Variants in PEX5L observed in about 807,000 individuals in gnomAD.
PEX5L encodes the protein peroxisomal biogenesis factor 5 like.
Under a neutral mutation model 84.0 loss-of-function variants are expected in PEX5L, and 30 were observed. That is an observed-to-expected ratio of 0.36 (90% confidence interval 0.27 to 0.48). PEX5L has a LOEUF of 0.48. Ranked by LOEUF, PEX5L falls within the 20% of genes least tolerant of loss-of-function variation. PEX5L has a pLI of 0.99. For missense variants in PEX5L, 533 were observed against 754.6 expected (o/e 0.71, Z 3.44); for synonymous variants, 270 against 283.1 (o/e 0.95, Z 0.46).
intron 2 of PEX5L, among the ~76,000 whole-genome samples, chr3:179,965,818 A>G (rs1274448454): frequency 6.6e-6 from 1 of 152,138 alleles, no homozygotes; most frequent in African/African-American, 2.4e-5. Context: ...ATTATCAGTA[A>G]CTCAGAATTA....
intron 8 of PEX5L, among the ~76,000 whole-genome samples, chr3:179,841,311 G>C (rs74518468): frequency 6.6e-6 from 1 of 152,004 alleles, no homozygotes; most frequent in African/African-American, 2.4e-5. Flanking sequence ...TGCTTCGAAG[G>C]CCTTCTCTTT....
chr3:179,888,908 G>A (rs772212064), intron 3 of PEX5L, among the ~76,000 whole-genome samples: 2 of 151,732 alleles, frequency 1.3e-5, no homozygotes, highest in Non-Finnish European at 2.9e-5. Flanking sequence ...GTGACTACAG[G>A]TGTGCACCAC....
intron 3 of PEX5L, among the ~76,000 whole-genome samples, chr3:179,893,850 T>C (rs1758355308): frequency 6.6e-6 from 1 of 152,160 alleles, no homozygotes; most frequent in Non-Finnish European, 1.5e-5. Flanking sequence ...ATTTAAATAA[T>C]AGAAAAATTT....
intron 1 of PEX5L, among the ~76,000 whole-genome samples, chr3:179,998,507 C>T (rs1313277524): frequency 6.6e-6 from 1 of 152,176 alleles, no homozygotes. Flanking sequence ...CAGAGGAGGC[C>T]TCTAGGATTT....
chr3:179,954,993 G>A lies in PEX5L; in HGVS notation c.93+16601C>T, dbSNP rs73883423. The stretch of plus-strand genomic sequence containing the variant: ...TCTCATCTACAGTGTCTATATTTGT[G>A]TTTTAAATGACCTCTGCACAAGCTG... On this transcript the variant is annotated intron_variant, in intron 2 of 14. Coordinates refer to ENST00000467460, the MANE Select transcript of PEX5L (RefSeq NM_016559.3). Among the ~76,000 whole-genome samples, 861 of 152,052 alleles carry A rather than the reference G, an allele frequency of 5.7e-3. 7 individuals are homozygous for A. Among genetic ancestry groups the A allele is most frequent in the African/African-American group, 0.02 (824 of 41,464 alleles).
intron 1 of PEX5L, among the ~76,000 whole-genome samples, chr3:180,019,709 C>T (rs1203042913): frequency 6.6e-6 from 1 of 152,148 alleles, no homozygotes; most frequent in Non-Finnish European, 1.5e-5. Context: ...AACAGAAATA[C>T]TTCCCACTGC....
intron 14 of PEX5L, among the ~76,000 whole-genome samples, chr3:179,802,576 T>G (rs1322372687): frequency 5.0e-5 from 7 of 140,096 alleles, no homozygotes; most frequent in African/African-American, 1.9e-4. Flanking sequence ...AAAAGAAAAT[T>G]TTATTTTAGG....
chr3:179,987,241 C>T (rs948148054), intron 1 of PEX5L, among the ~76,000 whole-genome samples: 15 of 150,986 alleles, frequency 9.9e-5, no homozygotes, highest in Non-Finnish European at 2.1e-4. Flanking sequence ...TCCCTCCCTT[C>T]ATTTCCCTCC....
chr3:179,835,571 C>A (rs1734642302), intron 8 of PEX5L, among the ~76,000 whole-genome samples: 2 of 152,246 alleles, frequency 1.3e-5, no homozygotes, highest in Admixed American at 6.5e-5. Context: ...TATTTAGAAT[C>A]TGAAGAACAT....
intron 6 of PEX5L, among the ~76,000 whole-genome samples, chr3:179,874,738 G>GTTTTTTTTTTTTTTTTTT (rs3836472): frequency 6.5e-5 from 3 of 45,992 alleles, no homozygotes; most frequent in East Asian, 9.3e-4. Flanking sequence ...TTTTTTTTTT[G>GTTTTTTTTTTTTTTTTTT]TTTTTTTTTT....
chr3:179,977,248 A>G (rs1001457278), intron 1 of PEX5L, among the ~76,000 whole-genome samples: 5 of 152,214 alleles, frequency 3.3e-5, no homozygotes, highest in Admixed American at 6.5e-5. Flanking sequence ...ACTTCTTTGC[A>G]GTAAAAAAGA....
chr3:179,807,920 G>A (rs1722043046), intron 13 of PEX5L, 89 bp from the exon 14 acceptor site: 1 of 1,254,964 alleles, frequency 8.0e-7, no homozygotes, highest in African/African-American at 1.5e-5. Context: ...AAGGAAGATG[G>A]CTAAAAATTT....
chr3:180,001,154 A>C (rs905234663), intron 1 of PEX5L, among the ~76,000 whole-genome samples: 1 of 152,050 alleles, frequency 6.6e-6, no homozygotes, highest in Non-Finnish European at 1.5e-5. Context: ...CTAGCCTTCA[A>C]ACTACATCTT....
intron 1 of PEX5L, among the ~76,000 whole-genome samples, chr3:180,025,671 C>A (rs555185480): frequency 2.0e-5 from 3 of 151,312 alleles, no homozygotes; most frequent in Non-Finnish European, 4.4e-5. Flanking sequence ...GAATTGAGGA[C>A]GAGGAAATAA....
intron 1 of PEX5L, among the ~76,000 whole-genome samples, chr3:180,026,630 C>T (rs1470936889): frequency 6.6e-6 from 1 of 152,200 alleles, no homozygotes; most frequent in East Asian, 1.9e-4. Flanking sequence ...TTCTGCTCTT[C>T]TCTGCTACAT....
chr3:180,031,121 G>A (rs1283934166), intron 1 of PEX5L, among the ~76,000 whole-genome samples: 1 of 151,904 alleles, frequency 6.6e-6, no homozygotes, highest in East Asian at 1.9e-4. Context: ...TAGTATATTT[G>A]TTACTAACTA....
At chr3:179,844,304 T>C (rs578252717) in intron 8 of PEX5L, among the ~76,000 whole-genome samples, 19 of 152,350 alleles carry the variant, frequency 1.2e-4, no homozygotes, top group African/African-American at 4.6e-4. Context: ...GAAACTTCCC[T>C]GATGAAAGAA....
At chr3:180,000,940 T>C (rs1282039620) in intron 1 of PEX5L, among the ~76,000 whole-genome samples, 5 of 152,144 alleles carry the variant, frequency 3.3e-5, no homozygotes, top group East Asian at 1.9e-4. Context: ...ATGGTTAATA[T>C]TGAGTATCAA....
chr3:179,965,822 A>T (rs1238011946), intron 2 of PEX5L, among the ~76,000 whole-genome samples: 1 of 152,210 alleles, frequency 6.6e-6, no homozygotes, highest in Admixed American at 6.6e-5. Flanking sequence ...TCAGTAACTC[A>T]GAATTATTTT....
Sources: gnomAD v4.1 joint callset for allele counts (sites outside exome capture counted in the v4.1 genomes callset) on GRCh38, gnomAD v4.1.1 for gene constraint, MANE v1.5 for transcripts, NCBI Gene and HGNC (gene_info 2026-07-23, HGNC 2026-07-21) for gene names.